The following GSE1 variants were observed in gnomAD, a reference collection of about 807,000 sequenced individuals.
GSE1 encodes Gse1 coiled-coil protein, also known as genetic suppressor element 1.
A neutral mutation model predicts 112.6 loss-of-function variants in GSE1; 32 were observed. That is an observed-to-expected ratio of 0.28 (90% confidence interval 0.21 to 0.38). GSE1 has a LOEUF of 0.38. Among genes scored for constraint, GSE1 ranks in the 10% least tolerant of loss-of-function variants. The probability of loss-of-function intolerance (pLI) is 1.00; values close to 1 mark genes in which losing one functional copy is unlikely to be tolerated. For missense variants in GSE1, 2,348 were observed against 1,699.2 expected, an observed-to-expected ratio of 1.38 and a Z score of -6.71; for synonymous variants, 1,115 against 735.6, an observed-to-expected ratio of 1.52 and a Z score of -8.35.
intron 1 of GSE1, among the ~76,000 whole-genome samples, chr16:85,272,481 G>A (rs1196292572): frequency 6.6e-6 from 1 of 152,160 alleles, no homozygotes; most frequent in Non-Finnish European, 1.5e-5. Context: ...CTTTCTACAT[G>A]TCACCCTTCG....
intron 2 of GSE1, among the ~76,000 whole-genome samples, chr16:85,420,518 G>C (rs2048813063): frequency 7.2e-6 from 1 of 138,676 alleles, no homozygotes; most frequent in South Asian, 2.1e-4. Flanking sequence ...CCAGGGCCAA[G>C]GGGGGTGGCA....
intron 1 of GSE1, among the ~76,000 whole-genome samples, chr16:85,615,545 GC>G (rs1242290783): frequency 6.6e-6 from 1 of 152,148 alleles, no homozygotes; most frequent in Non-Finnish European, 1.5e-5. Context: ...GCGGTGCCGG[GC>G]CAGAGCTGGT....
chr16:85,481,855 A>C (rs978885043), intron 2 of GSE1, among the ~76,000 whole-genome samples: 6 of 152,194 alleles, frequency 3.9e-5, no homozygotes, highest in Non-Finnish European at 1.5e-5. Context: ...GATGTACCTA[A>C]AAGGTCACAC....
chr16:85,296,971 C>G (rs1450637278), intron 1 of GSE1, among the ~76,000 whole-genome samples: 8 of 152,232 alleles, frequency 5.3e-5, no homozygotes, highest in Non-Finnish European at 1.5e-5. Flanking sequence ...CCGATCTTTC[C>G]TCCTTTGACC....
chr16:85,529,102 C>T (rs1345648325), intron 2 of GSE1, among the ~76,000 whole-genome samples: 1 of 152,114 alleles, frequency 6.6e-6, no homozygotes, highest in African/African-American at 2.4e-5. Flanking sequence ...AGTGAGGCGG[C>T]GCCTGCAGTT....
At chr16:85,657,246 A>G in intron 7 of GSE1, 31 bp from the exon 8 acceptor site, 1 of 1,467,296 alleles carries the variant, frequency 6.8e-7, no homozygotes, top group South Asian at 1.3e-5. Flanking sequence ...CACGTGGCTG[A>G]GATCCTGCTT....
exon 1 of GSE1, chr16:85,170,867 A>T (rs1379746298): frequency 3.0e-6 from 3 of 985,402 alleles, no homozygotes; most frequent in African/African-American, 1.7e-5. Flanking sequence ...CAGCGACTCT[A>T]TGTGGTGCCC....
At chr16:85,290,164 G>T (rs72807761) in intron 1 of GSE1, among the ~76,000 whole-genome samples, 1 of 152,136 alleles carries the variant, frequency 6.6e-6, no homozygotes. Flanking sequence ...ACTTCCCTGC[G>T]TGGGAAGGGT....
At chr16:85,222,808 C>T (rs373770745) in intron 1 of GSE1, among the ~76,000 whole-genome samples, 3 of 152,118 alleles carry the variant, frequency 2.0e-5, no homozygotes, top group Non-Finnish European at 4.4e-5. Flanking sequence ...ACTGGTCTCC[C>T]GCTGCTGACG....
chr16:85,324,928 GC>G (rs1449570152), intron 1 of GSE1, among the ~76,000 whole-genome samples: 1 of 152,106 alleles, frequency 6.6e-6, no homozygotes, highest in Middle Eastern at 3.2e-3. Flanking sequence ...TTAAAATGGT[GC>G]TTTTTGTGAT....
intron 2 of GSE1, among the ~76,000 whole-genome samples, chr16:85,647,292 C>T (rs1287735003): frequency 1.3e-5 from 2 of 152,202 alleles, no homozygotes; most frequent in Non-Finnish European, 2.9e-5. Context: ...TGCAGCCACC[C>T]ATTCTCCCAT....
At chr16:85,655,969 G>A in intron 6 of GSE1, 52 bp downstream of exon 6, 3 of 1,433,314 alleles carry the variant, frequency 2.1e-6, no homozygotes, top group Non-Finnish European at 2.9e-6. Flanking sequence ...TCCCTTGATG[G>A]CAGCTGGGCA....
chr16:85,604,173 CCT>C (rs1567637466), intron 1 of GSE1, among the ~76,000 whole-genome samples: 1 of 152,130 alleles, frequency 6.6e-6, no homozygotes, highest in Non-Finnish European at 1.5e-5. Context: ...CAGCCACTCC[CCT>C]CTCCCCTCCC....
At chr16:85,627,185 A>AC (rs1047828263) in intron 1 of GSE1, among the ~76,000 whole-genome samples, 25 of 117,302 alleles carry the variant, frequency 2.1e-4, no homozygotes, top group African/African-American at 7.6e-4. Context: ...TGGGGGCCTC[A>AC]CCCGGGGGCG....
At chr16:85,650,718 C>T (rs984344756) in intron 3 of GSE1, among the ~76,000 whole-genome samples, 14 of 152,166 alleles carry the variant, frequency 9.2e-5, no homozygotes, top group African/African-American at 4.8e-5. Context: ...AGGTGATGTA[C>T]GGCTCCTCGC....
At chr16:85,265,577 A>T (rs1009414947) in intron 1 of GSE1, among the ~76,000 whole-genome samples, 1 of 152,116 alleles carries the variant, frequency 6.6e-6, no homozygotes, top group East Asian at 1.9e-4. Context: ...TCTCGGGCAT[A>T]ACCTCCTTCA....
rs1173806694 is a variant in GSE1 at position 85,665,164 on chromosome 16, G to A, written c.2758+36G>A. ...GATAGCCCCACCTGCCACCACCCAG[G>A]ACCATCCCATGGGCTGCCCAGGCTC... On this transcript the variant is annotated intron_variant, in intron 12 of 15. Coordinates refer to ENST00000253458, the MANE Select transcript of GSE1 (RefSeq NM_014615.5). 3 of 1,305,442 alleles carry A rather than the reference G, an allele frequency of 2.3e-6. No individual in the cohort carries two copies. In the South Asian group the frequency reaches 3.6e-5, roughly 15 times the overall value. The allele number at this position is 1,305,442 out of a possible 1,614,324, so 80.9% of individuals were successfully genotyped here.
At chr16:85,337,571 C>T (rs1389002851) in intron 1 of GSE1, among the ~76,000 whole-genome samples, 4 of 152,180 alleles carry the variant, frequency 2.6e-5, no homozygotes, top group East Asian at 3.9e-4. Context: ...TCCCAAAGTG[C>T]TGGGATTACA....
At chr16:85,500,114 C>A (rs2051310814) in intron 2 of GSE1, among the ~76,000 whole-genome samples, 1 of 152,186 alleles carries the variant, frequency 6.6e-6, no homozygotes, top group African/African-American at 2.4e-5. Flanking sequence ...ATATTAGGGC[C>A]CCCTCCATAT....
Sources: gnomAD v4.1 joint callset for allele counts (sites outside exome capture counted in the v4.1 genomes callset) on GRCh38, gnomAD v4.1.1 for gene constraint, MANE v1.5 for transcripts, NCBI Gene and HGNC (gene_info 2026-07-23, HGNC 2026-07-21) for gene names.